NUP210L: variants seen among roughly 807,000 people sequenced by gnomAD.
The protein encoded by NUP210L is nucleoporin 210 like.
In NUP210L, 74 loss-of-function variants were observed where a neutral mutation model predicts 208.5. The observed-to-expected ratio is 0.35, with a 90% CI of 0.29 to 0.43. NUP210L has a LOEUF of 0.43. NUP210L is among the 20% of genes least tolerant of loss of function. The pLI is 1.00. For missense variants in NUP210L, 1,843 were observed against 2,289.4 expected, an observed-to-expected ratio of 0.81 and a Z score of 3.98; for synonymous variants, 780 against 816.9, an observed-to-expected ratio of 0.95 and a Z score of 0.77.
rs187693397 is a variant in NUP210L, at chr1:154,053,671, C to T, written c.3483+557G>A. On this transcript the variant is annotated intron_variant, in intron 25 of 39. Transcript: ENST00000368559. ...CATGTTCCTGCTGCAGATAACTAGC[C>T]AAAGCCCATCCCTTTGTTTCCCGTA... 4.2e-4 allele frequency among the ~76,000 whole-genome samples: 64 copies of T among 152,342 alleles called. 1 individual carries two copies. Among genetic ancestry groups the T allele is most frequent in the Admixed American group, 2.9e-3 (44 of 15,300 alleles).
chr1:154,058,632 A>C, exon 21 of NUP210L: 1 of 1,614,026 alleles, frequency 6.2e-7, no homozygotes, highest in Non-Finnish European at 8.5e-7. Context: ...TGCTGGACCC[A>C]AGAAAGCCAA....
intron 15 of NUP210L, among the ~76,000 whole-genome samples, chr1:154,093,430 A>C (rs903051292): frequency 6.6e-5 from 10 of 151,398 alleles, no homozygotes; most frequent in African/African-American, 2.2e-4. Flanking sequence ...CTCCATCTCA[A>C]AAAAAAAAGA....
chr1:154,052,645 T>C (rs1653580564), intron 25 of NUP210L, among the ~76,000 whole-genome samples: 1 of 152,234 alleles, frequency 6.6e-6, no homozygotes, highest in Non-Finnish European at 1.5e-5. Flanking sequence ...GTAATCACTC[T>C]ATGATGCAGT....
chr1:154,107,782 C>T (rs571883727), intron 12 of NUP210L, among the ~76,000 whole-genome samples: 21 of 152,272 alleles, frequency 1.4e-4, no homozygotes, highest in African/African-American at 5.1e-4. Context: ...ATGAAAATCA[C>T]TTGAACCTAG....
rs541105524 is a variant in NUP210L at position 154,075,787 on chromosome 1, C to CT, written c.2362-5323dup. 1.6e-3 allele frequency among the ~76,000 whole-genome samples: 227 copies of CT among 144,648 alleles called. 1 individual carries two copies. Among genetic ancestry groups the CT allele is most frequent in the Admixed American group, 4.0e-3 (58 of 14,412 alleles). The allele number at this position is 144,648 out of a possible 152,430, so 94.9% of individuals were successfully genotyped here. ...CATTGAGCTTACAAGGCAAATACTT[C>CT]TTTTTTTTTTTTCCTTTTTTGAGAT... is the stretch of plus-strand genomic sequence containing the variant. On this transcript the variant is annotated intron_variant, in intron 16 of 39. Coordinates refer to ENST00000368559, the Ensembl canonical transcript of NUP210L.
chr1:154,141,355 T>C, intron 4 of NUP210L, 76 bp downstream of exon 4: 1 of 888,472 alleles, frequency 1.1e-6, no homozygotes, highest in South Asian at 1.3e-5. Context: ...ACACAAATGG[T>C]TGCTTGTTCA....
chr1:154,021,491 C>A (rs1651560778), intron 32 of NUP210L, among the ~76,000 whole-genome samples: 4 of 150,628 alleles, frequency 2.7e-5, no homozygotes, highest in African/African-American at 9.8e-5. Flanking sequence ...GAGACTCTGT[C>A]TCTAAAAAAA....
rs532946294 is a variant in NUP210L at position 154,026,354 on chromosome 1, C to A, written c.3948-638G>T. 4.6e-5 allele frequency among the ~76,000 whole-genome samples: 7 copies of A among 152,278 alleles called. No homozygotes were observed. In the South Asian group the frequency reaches 6.2e-4, roughly 14 times the overall value. On this transcript the variant is annotated intron_variant, in intron 29 of 39. Transcript: ENST00000368559. Reference sequence around the variant, plus strand: ...CAAAAGGTGAAAACAACCCAAATTTCTTTTCTTTTTTGAGACGGAGTTTCG... The same window carrying A: ...CAAAAGGTGAAAACAACCCAAATTTATTTTCTTTTTTGAGACGGAGTTTCG...
At chr1:154,100,100 G>T (rs757593761) in exon 14 of NUP210L, 10 of 1,613,826 alleles carry the variant, frequency 6.2e-6, no homozygotes, top group Non-Finnish European at 8.5e-6. Flanking sequence ...ATTTAGCTGC[G>T]ATATGTGTAC....
chr1:154,139,810 A>G, exon 5 of NUP210L: 2 of 1,612,574 alleles, frequency 1.2e-6, no homozygotes, highest in Non-Finnish European at 1.7e-6. Context: ...ACCTTATAGA[A>G]TGGTTCATGA....
At chr1:154,121,672 G>C (rs1022455648) in intron 10 of NUP210L, among the ~76,000 whole-genome samples, 1 of 152,066 alleles carries the variant, frequency 6.6e-6, no homozygotes, top group Non-Finnish European at 1.5e-5. Flanking sequence ...TTTGAGACCA[G>C]TCTGGCCAAC....
Position 154,060,926 on chromosome 1 carries a change from C to G in NUP210L, c.2748+16G>C. Reference sequence around the variant, plus strand: ...TCCAATATGATTCCATTTAACTAGACTCATACAGCTTCTACCTTTACATCA... The same window carrying G: ...TCCAATATGATTCCATTTAACTAGAGTCATACAGCTTCTACCTTTACATCA... On this transcript the variant is annotated intron_variant, in intron 19 of 39. Transcript: ENST00000368559. The G allele has an allele frequency of 6.7e-7, 1 of 1,496,888 alleles. No individual in the cohort carries two copies. The highest frequency in any genetic ancestry group is 2.3e-5 in the East Asian group (1 of 44,334). The allele number at this position is 1,496,888 out of a possible 1,614,324, so 92.7% of individuals were successfully genotyped here.
At chr1:154,006,672 T>C (rs1650541551) in intron 35 of NUP210L, among the ~76,000 whole-genome samples, 1 of 150,972 alleles carries the variant, frequency 6.6e-6, no homozygotes. Flanking sequence ...TTTTGTATTT[T>C]TTAGTAGAGA....
chr1:154,143,070 C>T (rs143557634), intron 3 of NUP210L, among the ~76,000 whole-genome samples: 259 of 151,996 alleles, frequency 1.7e-3, no homozygotes, highest in African/African-American at 6.0e-3. Flanking sequence ...GGCCTGTAAT[C>T]CCAGCTACCC....
At chr1:154,051,322 G>C (rs1361105726) in intron 25 of NUP210L, among the ~76,000 whole-genome samples, 1 of 152,024 alleles carries the variant, frequency 6.6e-6, no homozygotes, top group Non-Finnish European at 1.5e-5. Context: ...CCATTCTCCT[G>C]CCTCAGCCTC....
intron 16 of NUP210L, among the ~76,000 whole-genome samples, chr1:154,074,680 CG>C (rs1340838600): frequency 6.6e-6 from 1 of 152,024 alleles, no homozygotes; most frequent in Non-Finnish European, 1.5e-5. Flanking sequence ...TTAGTAGAGA[CG>C]GGGTTTCACT....
At chr1:154,058,778 T>G in intron 20 of NUP210L, 85 bp from the exon 21 acceptor site, 1 of 1,391,910 alleles carries the variant, frequency 7.2e-7, no homozygotes, top group South Asian at 1.3e-5. Context: ...CAAAGCAGAA[T>G]AGAAAACATC....
chr1:154,130,105 G>A (rs1230211170), intron 7 of NUP210L, among the ~76,000 whole-genome samples: 9 of 152,028 alleles, frequency 5.9e-5, no homozygotes, highest in Admixed American at 2.0e-4. Context: ...TTGGGAGGCC[G>A]AGGTGGGTGG....
intron 37 of NUP210L, chr1:153,995,524 G>A (rs977166469): frequency 1.1e-5 from 7 of 620,022 alleles, no homozygotes; most frequent in Non-Finnish European, 2.1e-5. Context: ...TCTTGAGCTT[G>A]TTATTTCTTC....
Sources: allele counts gnomAD v4.1 joint callset (sites outside exome capture counted in the v4.1 genomes callset), GRCh38; gene constraint gnomAD v4.1.1; transcripts MANE v1.5; gene names NCBI Gene and HGNC (gene_info 2026-07-23, HGNC 2026-07-21).